ASCC3: variants seen among roughly 807,000 people sequenced by gnomAD.
ASCC3 encodes the protein activating signal cointegrator 1 complex subunit 3, also known as ASC-1 complex subunit P200.
In ASCC3, 158 loss-of-function variants were observed where a neutral mutation model predicts 256.3. The observed-to-expected ratio is 0.62, with a 90% CI of 0.54 to 0.70. The LOEUF is 0.70. ASCC3 is among the 30% of genes least tolerant of loss of function. The probability of loss-of-function intolerance (pLI) is 0.00; values close to 1 mark genes in which losing one functional copy is unlikely to be tolerated. For synonymous variants in ASCC3, 948 were observed against 883.4 expected (o/e 1.07, Z -1.30); for missense variants, 2,259 against 2,626.0 (o/e 0.86, Z 3.05).
chr6:100,631,948 G>C (rs1326608900), intron 25 of ASCC3, among the ~76,000 whole-genome samples: 2 of 151,688 alleles, frequency 1.3e-5, no homozygotes, highest in African/African-American at 4.8e-5. Context: ...ACTACAAAAG[G>C]ATGCTAAGAC....
At chr6:100,547,106 C>T (rs1262098454) in intron 36 of ASCC3, among the ~76,000 whole-genome samples, 2 of 151,930 alleles carry the variant, frequency 1.3e-5, no homozygotes, top group East Asian at 1.9e-4. Flanking sequence ...TTGACCAAGG[C>T]TCAAAGGCAA....
chr6:100,853,445 G>A (rs867917882), intron 3 of ASCC3, among the ~76,000 whole-genome samples: 16 of 134,930 alleles, frequency 1.2e-4, no homozygotes, highest in African/African-American at 2.7e-4. Flanking sequence ...TTTTTGAGAC[G>A]GAGTCTTGCT....
At chr6:100,609,197 T>C (rs1773265498) in intron 30 of ASCC3, among the ~76,000 whole-genome samples, 1 of 152,032 alleles carries the variant, frequency 6.6e-6, no homozygotes, top group South Asian at 2.1e-4. Flanking sequence ...TATACATACA[T>C]ATTTCCCCAT....
rs548610821 is a variant in ASCC3, at chr6:100,617,565, C to T, written c.4785+7627G>A. Among the ~76,000 whole-genome samples the T allele has an allele frequency of 2.0e-5, 3 of 152,176 alleles. No homozygotes were observed. In the South Asian group the frequency reaches 6.2e-4, roughly 32 times the overall value. On this transcript the variant is annotated intron_variant, in intron 30 of 41. Transcript: ENST00000369162. ...TTGCTTCTATTTTCACCTCCTTGCC[C>T]CCCTCATTTGCTCCTCAGTCTATTC... is the stretch of plus-strand genomic sequence containing the variant.
At chr6:100,673,954 C>T (rs1776883693) in intron 14 of ASCC3, among the ~76,000 whole-genome samples, 1 of 152,112 alleles carries the variant, frequency 6.6e-6, no homozygotes, top group African/African-American at 2.4e-5. Context: ...AACGTCCTTT[C>T]CCTGTTGCTG....
Position 100,800,468 on chromosome 6 carries a change from G to A in ASCC3, c.959C>T (p.Pro320Leu), listed in dbSNP as rs147591917. 3.6e-5 allele frequency: 58 copies of A among 1,611,376 alleles called. No individual in the cohort carries two copies. Among genetic ancestry groups the A allele is most frequent in the Non-Finnish European group, 8.5e-6 (10 of 1,178,856 alleles). The change falls in exon 6 of 42, where the codon CCC becomes CTC. Residue 320 changes from proline (P) to leucine (L), a missense_variant. This residue lies in a region of ASCC3 where 420 missense variants were observed against 419.3 expected (regional missense o/e 1.00). Transcript: ENST00000369162. ...CKKILGENAK[P>L]NYGCQVTIQS... ...AATAGTGACTTGACAACCATAATTG[G>A]GTTTAGCATTTTCTCCTAAAATTTT... is the stretch of plus-strand genomic sequence containing the variant.
In ASCC3 at chr6:100,776,940, T is replaced by C. The variant is rs553322270; in HGVS notation, c.1396-9595A>G. 2.0e-5 allele frequency among the ~76,000 whole-genome samples: 3 copies of C among 152,208 alleles called. No homozygotes were observed. In the South Asian group the frequency reaches 6.2e-4, roughly 32 times the overall value. ...CATTACATAATTTTCACAGTTTTTC[T>C]TCGGCTCCCTATAAAATGTGGCTTA... On this transcript the variant is annotated intron_variant, in intron 8 of 41. Transcript: ENST00000369162.
At chr6:100,850,422 A>G (rs960423296) in intron 3 of ASCC3, among the ~76,000 whole-genome samples, 10 of 152,166 alleles carry the variant, frequency 6.6e-5, no homozygotes, top group African/African-American at 1.9e-4. Flanking sequence ...CGTTGAGTAC[A>G]TTGTACAAAT....
intron 29 of ASCC3, among the ~76,000 whole-genome samples, chr6:100,627,016 C>T (rs1441986867): frequency 2.0e-5 from 3 of 152,122 alleles, no homozygotes; most frequent in Non-Finnish European, 2.9e-5. Context: ...AGTCACCTCA[C>T]AACTGTCACC....
intron 13 of ASCC3, among the ~76,000 whole-genome samples, chr6:100,703,852 T>C (rs1778456772): frequency 6.6e-6 from 1 of 151,822 alleles, no homozygotes; most frequent in Non-Finnish European, 1.5e-5. Flanking sequence ...CTCAATGTCT[T>C]ATCCTCTTCT....
At chr6:100,523,781 C>G (rs1274472226) in intron 37 of ASCC3, among the ~76,000 whole-genome samples, 4 of 152,168 alleles carry the variant, frequency 2.6e-5, no homozygotes, top group African/African-American at 9.6e-5. Flanking sequence ...TTCTTCTTAT[C>G]TTCCACAGTT....
intron 36 of ASCC3, among the ~76,000 whole-genome samples, chr6:100,549,927 C>T (rs1769205495): frequency 6.6e-6 from 1 of 151,660 alleles, no homozygotes; most frequent in South Asian, 2.1e-4. Context: ...GAGAGATTCC[C>T]TGCATTCCAG....
At chr6:100,572,964 G>C (rs969655571) in intron 36 of ASCC3, among the ~76,000 whole-genome samples, 8 of 151,954 alleles carry the variant, frequency 5.3e-5, no homozygotes, top group Non-Finnish European at 2.9e-5. Flanking sequence ...ATAAATAAAA[G>C]GTCTGGCATT....
intron 3 of ASCC3, among the ~76,000 whole-genome samples, chr6:100,852,020 T>G (rs1236959776): frequency 1.3e-5 from 2 of 152,146 alleles, no homozygotes; most frequent in Non-Finnish European, 2.9e-5. Context: ...TATGTAGGCG[T>G]AAGAGACTGG....
At chr6:100,840,160 G>T (rs1379966637) in intron 4 of ASCC3, among the ~76,000 whole-genome samples, 1 of 152,154 alleles carries the variant, frequency 6.6e-6, no homozygotes, top group Non-Finnish European at 1.5e-5. Flanking sequence ...AGAGTATACA[G>T]TATGAACATA....
intron 3 of ASCC3, among the ~76,000 whole-genome samples, chr6:100,860,933 T>A (rs994625486): frequency 3.9e-5 from 6 of 152,040 alleles, no homozygotes; most frequent in African/African-American, 1.4e-4. Flanking sequence ...GAATCTGATC[T>A]AAAAGGTAAG....
rs147709983 is a variant in ASCC3, at chr6:100,718,098, A to G, written c.2056T>C (p.Leu686=). 1.4e-4 allele frequency: 219 copies of G among 1,613,504 alleles called. No homozygotes were observed. In the African/African-American group the frequency reaches 2.4e-3, roughly 18 times the overall value. The change falls in exon 12 of 42, where the codon TTG becomes CTG. Residue 686 remains leucine, a synonymous_variant. Transcript: ENST00000369162. ...ACCTTATTTGCACATTTAATCCCCA[A>G]AAATGTCTGTCCAAGAGGTACTGGT... ...FRPVPLGQTF[L]GIKCANKMQQ... is the part of the protein sequence containing the mutation.
chr6:100,622,168 A>C (rs1773983593), intron 30 of ASCC3, among the ~76,000 whole-genome samples: 1 of 152,102 alleles, frequency 6.6e-6, no homozygotes, highest in African/African-American at 2.4e-5. Context: ...TGTGCAGCAA[A>C]CCACCATGAC....
At chr6:100,685,309 A>G (rs189002785) in intron 13 of ASCC3, among the ~76,000 whole-genome samples, 161 of 152,224 alleles carry the variant, frequency 1.1e-3, no homozygotes, top group African/African-American at 3.8e-3. Context: ...CTGGCAGTTT[A>G]TGTTTTCATT....
Sources: allele counts gnomAD v4.1 joint callset (sites outside exome capture counted in the v4.1 genomes callset), GRCh38; gene constraint gnomAD v4.1.1; regional missense constraint gnomAD v4.1.1; transcripts MANE v1.5; gene names NCBI Gene and HGNC (gene_info 2026-07-23, HGNC 2026-07-21).